Variants in NRAP observed in about 807,000 individuals in gnomAD.
NRAP encodes nebulin-related-anchoring protein.
In NRAP, 189 loss-of-function variants were observed where a neutral mutation model predicts 225.9. The observed-to-expected ratio is 0.84, with a 90% CI of 0.74 to 0.94. The LOEUF is 0.94. Among genes scored for constraint, NRAP ranks in the 40% least tolerant of loss-of-function variants. The pLI, the probability that NRAP is intolerant of heterozygous loss-of-function variation, is 0.00. For synonymous variants in NRAP, 769 were observed against 790.7 expected, an observed-to-expected ratio of 0.97 and a Z score of 0.46; for missense variants, 2,176 against 2,168.7, an observed-to-expected ratio of 1.00 and a Z score of -0.07.
intron 38 of NRAP, among the ~76,000 whole-genome samples, chr10:113,594,969 T>C (rs988408087): frequency 2.0e-5 from 3 of 152,264 alleles, no homozygotes; most frequent in African/African-American, 7.2e-5. Context: ...CTGCCGTCTC[T>C]CTACCTGTTA....
At chr10:113,604,969 C>T in intron 34 of NRAP, 49 bp from the exon 35 acceptor site, 1 of 1,561,580 alleles carries the variant, frequency 6.4e-7, no homozygotes, top group Non-Finnish European at 8.7e-7. Context: ...GTTTTCATTG[C>T]AGACTCTAGA....
chr10:113,631,994 G>A (rs774025977), intron 16 of NRAP, 30 bp from the exon 17 acceptor site: 3 of 1,351,832 alleles, frequency 2.2e-6, no homozygotes, highest in Non-Finnish European at 3.2e-6. Flanking sequence ...GTGAATAGGA[G>A]TTGCTACCCA....
intron 25 of NRAP, among the ~76,000 whole-genome samples, chr10:113,620,021 G>A (rs1308184082): frequency 6.6e-6 from 1 of 151,872 alleles, no homozygotes; most frequent in South Asian, 2.1e-4. Flanking sequence ...CAGTAGTGCC[G>A]AAGTTGAAAA....
chr10:113,631,687 C>A (rs1848591743), intron 17 of NRAP, 77 bp from the exon 18 acceptor site: 18 of 1,003,988 alleles, frequency 1.8e-5, no homozygotes, highest in Non-Finnish European at 2.0e-5. Flanking sequence ...TTAACAAGTG[C>A]AAGGGGAACA....
At chr10:113,646,031 A>G (rs915549704) in intron 10 of NRAP, 90 bp from the exon 11 acceptor site, 4 of 673,068 alleles carry the variant, frequency 5.9e-6, no homozygotes, top group Non-Finnish European at 7.5e-6. Context: ...GCTTAATGTC[A>G]ACATTTACTT....
At chr10:113,601,848 G>A (rs967443433) in intron 35 of NRAP, among the ~76,000 whole-genome samples, 19 of 112,424 alleles carry the variant, frequency 1.7e-4, no homozygotes, top group African/African-American at 4.9e-4. Context: ...GTCTAAGATG[G>A]TGGATCAAAT....
chr10:113,600,437 C>T (rs1846533682), intron 35 of NRAP, among the ~76,000 whole-genome samples: 1 of 152,140 alleles, frequency 6.6e-6, no homozygotes, highest in Non-Finnish European at 1.5e-5. Context: ...GTCTCAGCTT[C>T]CCAAAATGTG....
chr10:113,644,153 A>AAAAAAAAAG (rs1335750942), intron 11 of NRAP, among the ~76,000 whole-genome samples: 2 of 147,262 alleles, frequency 1.4e-5, no homozygotes, highest in South Asian at 4.3e-4. Context: ...CTCTCAAAAA[A>AAAAAAAAAG]AAAAAAAAAA....
intron 26 of NRAP, 66 bp from the exon 27 acceptor site, chr10:113,615,882 C>CCAA: frequency 1.1e-6 from 1 of 931,730 alleles, no homozygotes; most frequent in South Asian, 1.4e-5. Flanking sequence ...AGCCAGGTTA[C>CCAA]GCTTCAAGAG....
chr10:113,616,402 T>C (rs143720497), intron 26 of NRAP, among the ~76,000 whole-genome samples: 3 of 152,132 alleles, frequency 2.0e-5, no homozygotes, highest in Admixed American at 1.3e-4. Context: ...CCATCCCAAA[T>C]CTTATCAGAT....
At chr10:113,662,594 T>C (rs1393390834) in intron 3 of NRAP, 85 bp downstream of exon 3, 3 of 829,400 alleles carry the variant, frequency 3.6e-6, no homozygotes, top group Non-Finnish European at 6.3e-6. Flanking sequence ...GGCTAGAATA[T>C]ATTCCTTTTA....
chr10:113,596,231 C>T, intron 37 of NRAP, among the ~76,000 whole-genome samples: 1 of 152,202 alleles, frequency 6.6e-6, no homozygotes, highest in Non-Finnish European at 1.5e-5. Context: ...ACCTGGATCA[C>T]AGGAAGACAC....
intron 3 of NRAP, 119 bp downstream of exon 3, chr10:113,662,560 T>C: frequency 1.5e-6 from 1 of 682,182 alleles, no homozygotes; most frequent in Non-Finnish European, 2.6e-6. Flanking sequence ...AGTGTTGGAA[T>C]TGTAGGTGTG....
In NRAP at chr10:113,641,284, G is replaced by A. The variant is rs552331353; in HGVS notation, c.1323+81C>T. On this transcript the variant is annotated intron_variant, in intron 13 of 41. Coordinates refer to ENST00000359988, the MANE Select transcript of NRAP (RefSeq NM_198060.4). The stretch of plus-strand genomic sequence containing the variant: ...AAATAGAAGACAGATTTTTTTTTAA[G>A]GGGAATTTAAAAAGAATTGGCTGAA... 8.5e-6 allele frequency: 7 copies of A among 824,798 alleles called. No individual in the cohort carries two copies. In the East Asian group the frequency reaches 1.5e-4, roughly 18 times the overall value. The allele number at this position is 824,798 out of a possible 1,614,324, so 51.1% of individuals were successfully genotyped here.
chr10:113,604,612 A>C lies in NRAP; in HGVS notation c.4224T>G (p.Ser1408Arg). ...AWAKKAHALQ[S>R]ELRYKSDLIG... Reference sequence around the variant, plus strand: ...CATTCCACAAGGCCACCCCTACCTCACTCTGCAGGGCATGGGCTTTCTTGG... The same window carrying C: ...CATTCCACAAGGCCACCCCTACCTCCCTCTGCAGGGCATGGGCTTTCTTGG... The change falls in exon 35 of 42, where the codon AGT (serine) becomes AGG (arginine). Residue 1408 changes from serine to arginine, a missense_variant. Physicochemically the swap from Ser to Arg is moderately radical, Grantham distance 110. Around this residue, in one of 3 missense-constraint regions of NRAP, gnomAD observed 445 missense variants for 426.1 expected, o/e 1.04. Transcript: ENST00000359988. The C allele has an allele frequency of 6.2e-7, 1 of 1,611,892 alleles. No homozygotes were observed. Among genetic ancestry groups the C allele is most frequent in the Admixed American group, 1.7e-5 (1 of 59,990 alleles).
intron 40 of NRAP, 96 bp downstream of exon 40, chr10:113,590,482 C>G (rs1845901065): frequency 1.6e-6 from 2 of 1,228,102 alleles, no homozygotes; most frequent in East Asian, 2.4e-5. Context: ...CAGCCCAGCT[C>G]CCCCAGAAGC....
intron 35 of NRAP, among the ~76,000 whole-genome samples, 156 bp from the exon 36 acceptor site, chr10:113,598,229 A>G (rs570372555): frequency 7.7e-4 from 116 of 150,036 alleles, no homozygotes; most frequent in African/African-American, 2.8e-3. Context: ...TCGTCAAGTC[A>G]AACTGTTTGA....
intron 33 of NRAP, 42 bp from the exon 34 acceptor site, chr10:113,605,911 T>A: frequency 1.4e-6 from 2 of 1,428,558 alleles, no homozygotes; most frequent in Non-Finnish European, 2.0e-6. Context: ...AAAAATTACA[T>A]GAATCAACGA....
At chr10:113,648,920 G>T (rs3121487) in intron 9 of NRAP, among the ~76,000 whole-genome samples, 83,397 of 152,026 alleles carry the variant, frequency 0.55, 24,205 homozygotes, top group East Asian at 0.7. Context: ...ACTACTGGTA[G>T]ATAGGATTGG....
Sources: gnomAD v4.1 joint callset for allele counts (sites outside exome capture counted in the v4.1 genomes callset) on GRCh38, gnomAD v4.1.1 for gene constraint, gnomAD v4.1.1 regional missense constraint, MANE v1.5 for transcripts, NCBI Gene and HGNC (gene_info 2026-07-23, HGNC 2026-07-21) for gene names.